The following NFU1 variants were observed in gnomAD, a reference collection of about 807,000 sequenced individuals.
NFU1 encodes NFU1 iron-sulfur cluster scaffold.
NFU1 carries 30 observed loss-of-function variants against 32.2 expected under a neutral mutation model. The ratio of observed to expected loss-of-function variants is 0.93; its 90% CI spans 0.70 to 1.26. The LOEUF is 1.26. Among genes scored for constraint, NFU1 ranks in the 50% most tolerant of loss-of-function variants. The pLI is 0.00. For synonymous variants in NFU1, 112 were observed against 104.6 expected, an observed-to-expected ratio of 1.07 and a Z score of -0.43; for missense variants, 306 against 306.6, an observed-to-expected ratio of 1.00 and a Z score of 0.02.
Position 69,404,615 on chromosome 2 carries a change from A to ATTTTTTTTT in NFU1, c.545+1398_545+1406dup, listed in dbSNP as rs534309730. 2.9e-3 allele frequency among the ~76,000 whole-genome samples: 207 copies of ATTTTTTTTT among 72,328 alleles called. 4 individuals are homozygous for ATTTTTTTTT. Among genetic ancestry groups the ATTTTTTTTT allele is most frequent in the African/African-American group, 4.3e-3 (68 of 15,760 alleles). 47.4% of individuals were successfully genotyped at this position (72,328 alleles called of 152,430 possible). A position where few individuals can be genotyped will look rare whatever the true frequency, so the allele number is the denominator to read the frequency against. On this transcript the variant is annotated intron_variant, in intron 6 of 7. Transcript: ENST00000410022. ...CACTTAATAACTACTATCTTAGCAA[A>ATTTTTTTTT]TTTTTTTTTTTTTTTTTTTTTTTGA...
intron 1 of NFU1, 75 bp downstream of exon 1, chr2:69,437,286 G>A: frequency 3.2e-6 from 5 of 1,545,630 alleles, no homozygotes; most frequent in Non-Finnish European, 4.4e-6. Context: ...TCGAGAGAGG[G>A]TCTGCAAGGC....
At chr2:69,404,615 ATTTTTT>A (rs534309730) in intron 6 of NFU1, among the ~76,000 whole-genome samples, 17 of 73,006 alleles carry the variant, frequency 2.3e-4, no homozygotes, top group African/African-American at 8.8e-4. Context: ...ATCTTAGCAA[ATTTTTT>A]TTTTTTTTTT....
At chr2:69,416,150 T>G (rs1214881048) in intron 4 of NFU1, 5 of 151,378 alleles carry the variant, frequency 3.3e-5, no homozygotes, top group Non-Finnish European at 7.4e-5. Flanking sequence ...TATCTTTTCC[T>G]ATATACACAC....
intron 2 of NFU1, among the ~76,000 whole-genome samples, chr2:69,424,824 T>C (rs1673398072): frequency 6.6e-6 from 1 of 151,634 alleles, no homozygotes; most frequent in African/African-American, 2.4e-5. Flanking sequence ...CAATTTATAA[T>C]AGTAATAATA....
intron 7 of NFU1, chr2:69,399,136 A>T: frequency 4.1e-6 from 1 of 243,722 alleles, no homozygotes; most frequent in East Asian, 1.3e-4. Flanking sequence ...TCAACCTGGG[A>T]GGTGGAGGTT....
rs529901907 is a variant in NFU1 at position 69,426,251 on chromosome 2, C to T, written c.167-2534G>A. ...CCTCCCAAAGTGCTAGGATTAAAGG[C>T]GTGAGCCACTGTGCCTAGCCTAAAA... is the stretch of plus-strand genomic sequence containing the variant. On this transcript the variant is annotated intron_variant, in intron 2 of 7. Transcript: ENST00000410022. Among the ~76,000 whole-genome samples, 18 of 152,176 alleles carry T rather than the reference C, an allele frequency of 1.2e-4. 1 individual carries two copies. The highest frequency in any genetic ancestry group is 4.2e-4 in the South Asian group (2 of 4,816).
At chr2:69,410,111 G>C (rs1181468355) in intron 5 of NFU1, among the ~76,000 whole-genome samples, 1 of 152,046 alleles carries the variant, frequency 6.6e-6, no homozygotes, top group Non-Finnish European at 1.5e-5. Context: ...ATACAGGGTC[G>C]AGTGAGGTGG....
At chr2:69,406,143 G>A in intron 5 of NFU1, 61 bp from the exon 6 acceptor site, 1 of 947,674 alleles carries the variant, frequency 1.1e-6, no homozygotes, top group Non-Finnish European at 1.7e-6. Flanking sequence ...GCAAGTACGA[G>A]TATTAAAACA....
In NFU1 at chr2:69,400,567, A is replaced by G; in HGVS notation, c.546-29T>C. On this transcript the variant is annotated intron_variant, in intron 6 of 7. Coordinates refer to ENST00000410022, the MANE Select transcript of NFU1 (RefSeq NM_001002755.4). ...TGAGGTCAAAGAATATTTATGACAT[A>G]TTCTTTAAAATACAAGTTTTCATTG... 5 of 1,597,370 alleles carry G rather than the reference A, an allele frequency of 3.1e-6. No homozygotes were observed. In the South Asian group the frequency reaches 5.6e-5, roughly 18 times the overall value.
chr2:69,436,396 T>C (rs954955951), intron 1 of NFU1, among the ~76,000 whole-genome samples: 6 of 152,188 alleles, frequency 3.9e-5, no homozygotes, highest in Non-Finnish European at 7.3e-5. Flanking sequence ...TCTAAATCTG[T>C]GAATACTCTG....
chr2:69,433,265 A>G (rs917015953), intron 1 of NFU1, among the ~76,000 whole-genome samples: 19 of 150,872 alleles, frequency 1.3e-4, no homozygotes, highest in African/African-American at 4.6e-4. Flanking sequence ...TGCAACCTCC[A>G]TCTCCCAGGT....
intron 2 of NFU1, among the ~76,000 whole-genome samples, chr2:69,428,658 T>C (rs4581940): frequency 0.44 from 67,424 of 152,086 alleles, 15,271 homozygotes; most frequent in African/African-American, 0.52. Context: ...ACCGTACATA[T>C]TGCTAATCCT....
chr2:69,408,703 G>GAC, intron 5 of NFU1, among the ~76,000 whole-genome samples: 1 of 148,608 alleles, frequency 6.7e-6, no homozygotes, highest in South Asian at 2.1e-4. Context: ...CTGGGTGACA[G>GAC]TGAAACACCG....
In NFU1 at chr2:69,402,899, T is replaced by G. The variant is rs189169840; in HGVS notation, c.546-2361A>C. On this transcript the variant is annotated intron_variant, in intron 6 of 7. Transcript: ENST00000410022. Reference sequence around the variant, plus strand: ...CGCCCGGTCTTTATCTGATTTCTTGTGTCCCGTTGGGGAAAAAAAAAAAAA... The same window carrying G: ...CGCCCGGTCTTTATCTGATTTCTTGGGTCCCGTTGGGGAAAAAAAAAAAAA... 7.5e-3 allele frequency among the ~76,000 whole-genome samples: 1,133 copies of G among 152,018 alleles called. 11 individuals carry two copies. The highest frequency in any genetic ancestry group is 0.023 in the South Asian group (110 of 4,812).
intron 6 of NFU1, among the ~76,000 whole-genome samples, chr2:69,405,574 C>G (rs1041285711): frequency 6.6e-6 from 1 of 152,186 alleles, no homozygotes; most frequent in African/African-American, 2.4e-5. Flanking sequence ...CTTTATCCAG[C>G]TTTTCTGGGA....
At chr2:69,419,495 T>G (rs1558832802) in intron 4 of NFU1, 43 bp downstream of exon 4, 1 of 1,034,572 alleles carries the variant, frequency 9.7e-7, no homozygotes, top group Non-Finnish European at 1.5e-6. Context: ...CAGAAAAAAA[T>G]GAAGAGTATT....
At chr2:69,437,267 C>G in intron 1 of NFU1, 94 bp downstream of exon 1, 1 of 1,528,334 alleles carries the variant, frequency 6.5e-7, no homozygotes, top group Non-Finnish European at 8.8e-7. Flanking sequence ...GATGCACTAC[C>G]CACCCGCCTC....
intron 1 of NFU1, among the ~76,000 whole-genome samples, chr2:69,436,600 A>G (rs184435511): frequency 1.3e-5 from 2 of 152,282 alleles, no homozygotes; most frequent in Non-Finnish European, 1.5e-5. Context: ...AATTCTACCA[A>G]CTTAAATCTT....
chr2:69,438,009 T>C (rs1011495521), upstream of NFU1, among the ~76,000 whole-genome samples: 1 of 152,184 alleles, frequency 6.6e-6, no homozygotes, highest in Admixed American at 6.6e-5. Context: ...CCGATTAACA[T>C]GAGACTTGAC....
Sources: gnomAD v4.1 joint callset for allele counts (sites outside exome capture counted in the v4.1 genomes callset) on GRCh38, gnomAD v4.1.1 for gene constraint, MANE v1.5 for transcripts, NCBI Gene and HGNC (gene_info 2026-07-23, HGNC 2026-07-21) for gene names.